Variants in CACNB4 observed in about 807,000 individuals in gnomAD.
CACNB4 encodes the protein calcium voltage-gated channel auxiliary subunit beta 4, also known as voltage-dependent L-type calcium channel subunit beta-4.
A neutral mutation model predicts 71.2 loss-of-function variants in CACNB4; 32 were observed. That is an observed-to-expected ratio of 0.45 (90% CI 0.34 to 0.60). The LOEUF is 0.60. Ranked by LOEUF, CACNB4 falls within the 20% of genes least tolerant of loss-of-function variation. The pLI is 0.01. For missense variants in CACNB4, 464 were observed against 647.9 expected, an observed-to-expected ratio of 0.72 and a Z score of 3.08; for synonymous variants, 231 against 236.9, an observed-to-expected ratio of 0.97 and a Z score of 0.23.
At chr2:151,924,919 C>A in intron 2 of CACNB4, among the ~76,000 whole-genome samples, 1 of 152,222 alleles carries the variant, frequency 6.6e-6, no homozygotes, top group Non-Finnish European at 1.5e-5. Context: ...AGGAATCCCA[C>A]GCAATGCTTC....
chr2:152,033,116 C>T (rs1684379970), intron 2 of CACNB4, among the ~76,000 whole-genome samples: 1 of 152,186 alleles, frequency 6.6e-6, no homozygotes, highest in South Asian at 2.1e-4. Flanking sequence ...GGGCCAAGGT[C>T]CCCAGGTGGG....
rs188537497 is a variant in CACNB4 at position 151,902,237 on chromosome 2, C to T, written c.148-18867G>A. On this transcript the variant is annotated intron_variant, in intron 2 of 13. Transcript: ENST00000539935. Reference sequence around the variant, plus strand: ...GTAGAGACAGGGTCTCCCTATGTGGCTGAGGCTGGTCTCAAACTCCTGGAC... The same window carrying T: ...GTAGAGACAGGGTCTCCCTATGTGGTTGAGGCTGGTCTCAAACTCCTGGAC... 4.0e-3 allele frequency among the ~76,000 whole-genome samples: 602 copies of T among 152,194 alleles called. 7 individuals are homozygous for T. Among genetic ancestry groups the T allele is most frequent in the Middle Eastern group, 0.027 (8 of 294 alleles).
intron 2 of CACNB4, among the ~76,000 whole-genome samples, chr2:151,998,993 G>A (rs1682236010): frequency 6.6e-6 from 1 of 152,212 alleles, no homozygotes. Context: ...TGGTGCCAAT[G>A]TAGGGACTCA....
chr2:151,974,664 G>T (rs1472014111), intron 2 of CACNB4, among the ~76,000 whole-genome samples: 1 of 152,218 alleles, frequency 6.6e-6, no homozygotes, highest in Non-Finnish European at 1.5e-5. Flanking sequence ...TAATCCTGAA[G>T]TGGCATTGGT....
chr2:151,966,794 T>C (rs1292141897), intron 2 of CACNB4, among the ~76,000 whole-genome samples: 2 of 152,154 alleles, frequency 1.3e-5, no homozygotes, highest in African/African-American at 4.8e-5. Context: ...GCATATTTAG[T>C]TACTGAAACT....
chr2:152,079,948 T>C (rs1255090753), intron 2 of CACNB4, among the ~76,000 whole-genome samples: 1 of 152,194 alleles, frequency 6.6e-6, no homozygotes, highest in Non-Finnish European at 1.5e-5. Context: ...GGAATTCTAA[T>C]GTACAGCCAA....
At chr2:151,862,800 C>T (rs1485364182) in intron 9 of CACNB4, among the ~76,000 whole-genome samples, 1 of 152,320 alleles carries the variant, frequency 6.6e-6, no homozygotes, top group East Asian at 1.9e-4. Context: ...GGGTATCGGG[C>T]CAGTGCCAAG....
intron 2 of CACNB4, among the ~76,000 whole-genome samples, chr2:151,920,673 T>C (rs1013038975): frequency 6.6e-6 from 1 of 152,134 alleles, no homozygotes; most frequent in Admixed American, 6.6e-5. Context: ...CAGTCTATTG[T>C]ACTTTGTAAT....
chr2:151,962,616 C>A (rs1444117957), intron 2 of CACNB4, among the ~76,000 whole-genome samples: 2 of 152,210 alleles, frequency 1.3e-5, no homozygotes, highest in Admixed American at 6.5e-5. Flanking sequence ...CAACTGTCAT[C>A]AAGACCTGCA....
chr2:152,071,388 C>T (rs573952773), intron 2 of CACNB4, among the ~76,000 whole-genome samples: 2 of 152,320 alleles, frequency 1.3e-5, no homozygotes, highest in South Asian at 4.1e-4. Context: ...TACAGAAGAT[C>T]TGGCAAACAG....
At chr2:152,086,872 T>C (rs182807518) in intron 2 of CACNB4, among the ~76,000 whole-genome samples, 51 of 152,348 alleles carry the variant, frequency 3.3e-4, no homozygotes, top group African/African-American at 1.2e-3. Context: ...GGCTCACGCC[T>C]ATAATCCCAA....
intron 2 of CACNB4, among the ~76,000 whole-genome samples, chr2:151,897,968 C>CA: frequency 1.3e-5 from 2 of 152,044 alleles, no homozygotes; most frequent in South Asian, 4.1e-4. Flanking sequence ...TCCCTCTCTT[C>CA]AAAAAGGGAT....
chr2:151,924,172 G>A (rs886236256), intron 2 of CACNB4, among the ~76,000 whole-genome samples: 2 of 136,544 alleles, frequency 1.5e-5, no homozygotes, highest in Admixed American at 8.6e-5. Context: ...TCCACCTCCC[G>A]GGTTCATGCC....
intron 5 of CACNB4, chr2:151,873,337 T>C (rs1452049941): frequency 6.6e-6 from 1 of 152,212 alleles, no homozygotes; most frequent in African/African-American, 2.4e-5. Context: ...ATTTGCACTA[T>C]ATACTTAGTT....
At chr2:151,976,493 A>C (rs914014769) in intron 2 of CACNB4, among the ~76,000 whole-genome samples, 3 of 152,200 alleles carry the variant, frequency 2.0e-5, no homozygotes, top group Non-Finnish European at 4.4e-5. Context: ...ATTCTAAAAA[A>C]TTATCCCATC....
intron 2 of CACNB4, among the ~76,000 whole-genome samples, chr2:151,950,525 G>A (rs545177024): frequency 6.6e-6 from 1 of 152,332 alleles, no homozygotes; most frequent in African/African-American, 2.4e-5. Flanking sequence ...GTCCATGAAT[G>A]TTCCCAGCAG....
At chr2:151,958,743 C>T (rs1358308913) in intron 2 of CACNB4, among the ~76,000 whole-genome samples, 1 of 152,154 alleles carries the variant, frequency 6.6e-6, no homozygotes, top group Non-Finnish European at 1.5e-5. Context: ...TTTATTTGGA[C>T]TCCCTGCCTG....
At chr2:151,874,449 C>T (rs11682722) in intron 5 of CACNB4, among the ~76,000 whole-genome samples, 4,747 of 142,014 alleles carry the variant, frequency 0.033, 187 homozygotes, top group African/African-American at 0.092. Flanking sequence ...GCCTGGGCGA[C>T]AGAGCGAGAC....
chr2:151,990,107 A>T (rs949427934), intron 2 of CACNB4, among the ~76,000 whole-genome samples: 2 of 152,176 alleles, frequency 1.3e-5, no homozygotes, highest in Non-Finnish European at 2.9e-5. Context: ...GTCCAATCAG[A>T]TGACTCTGTT....
Sources: allele counts gnomAD v4.1 joint callset (sites outside exome capture counted in the v4.1 genomes callset), GRCh38; gene constraint gnomAD v4.1.1; transcripts MANE v1.5; gene names NCBI Gene and HGNC (gene_info 2026-07-23, HGNC 2026-07-21).